The following XIRP2 variants were observed in gnomAD, a reference collection of about 807,000 sequenced individuals.
XIRP2 encodes the protein xin actin-binding repeat-containing protein 2.
Under a neutral mutation model 277.0 loss-of-function variants are expected in XIRP2, and 236 were observed. That is an observed-to-expected ratio of 0.85 (90% CI 0.77 to 0.95). The LOEUF (loss-of-function observed/expected upper bound fraction) is 0.95. Ranked by LOEUF, XIRP2 falls within the 40% of genes least tolerant of loss-of-function variation. The pLI, the probability that XIRP2 is intolerant of heterozygous loss-of-function variation, is 0.00. For synonymous variants in XIRP2, 1,490 were observed against 1,416.5 expected, an observed-to-expected ratio of 1.05 and a Z score of -1.17; for missense variants, 4,640 against 4,157.5, an observed-to-expected ratio of 1.12 and a Z score of -3.19.
At chr2:167,181,263 T>TA (rs1692999208) in intron 3 of XIRP2, among the ~76,000 whole-genome samples, 1 of 152,184 alleles carries the variant, frequency 6.6e-6, no homozygotes, top group Admixed American at 6.5e-5. Flanking sequence ...AAAGCAAACT[T>TA]AGACTGTGGA....
chr2:167,193,648 G>A (rs918953768), intron 3 of XIRP2, among the ~76,000 whole-genome samples: 7 of 152,020 alleles, frequency 4.6e-5, no homozygotes, highest in African/African-American at 1.4e-4. Flanking sequence ...GAGGCTGAGG[G>A]AGGTGAATCA....
At position 167,247,684 on chromosome 2, in the gene XIRP2, TCAGA is replaced by T; in HGVS notation, c.6296_6299del (p.Asp2099GlyfsTer3). Reference sequence around the variant, plus strand: ...TAAGAATAATCTAACAACTAAAGAATCAGACAGGGCAGTGAGAGAGCTGAAGAAG... The same window carrying T: ...TAAGAATAATCTAACAACTAAAGAATCAGGGCAGTGAGAGAGCTGAAGAAG... On this transcript the variant is annotated frameshift_variant, in exon 9 of 11. Transcript: ENST00000409195. LOFTEE classifies it high-confidence loss of function. The T allele has an allele frequency of 6.2e-7, 1 of 1,613,536 alleles. No homozygotes were observed. The highest frequency in any genetic ancestry group is 8.5e-7 in the Non-Finnish European group (1 of 1,179,718).
chr2:167,041,551 A>G (rs1688661005), intron 2 of XIRP2, among the ~76,000 whole-genome samples: 1 of 152,206 alleles, frequency 6.6e-6, no homozygotes, highest in African/African-American at 2.4e-5. Flanking sequence ...ACAGCATAGA[A>G]TAGACCAGGC....
chr2:167,251,494 A>C lies in XIRP2; in HGVS notation c.10102A>C (p.Ser3368Arg), dbSNP rs1574002202. 1 of 1,613,532 alleles carries C rather than the reference A, an allele frequency of 6.2e-7. No homozygotes were observed. Among genetic ancestry groups the C allele is most frequent in the Non-Finnish European group, 8.5e-7 (1 of 1,179,646 alleles). The change falls in exon 9 of 11, where the codon AGT becomes CGT. Residue 3368 changes from serine to arginine, a missense_variant. Coordinates refer to ENST00000409195, the MANE Select transcript of XIRP2 (RefSeq NM_152381.6). ...AACAAACCATAACATACAACAAGAA[A>C]GTCGTACATTTTGTAAGGAGGAATT... The part of the protein sequence containing the change: ...GETNHNIQQE[S>R]RTFCKEEFGL...
intron 2 of XIRP2, among the ~76,000 whole-genome samples, chr2:166,937,857 T>G (rs1479845530): frequency 4.6e-5 from 7 of 152,250 alleles, no homozygotes; most frequent in Non-Finnish European, 8.8e-5. Flanking sequence ...TATCCATTTC[T>G]TCTAGATTTT....
At chr2:166,919,230 A>G (rs1011480783) in intron 2 of XIRP2, among the ~76,000 whole-genome samples, 2 of 152,180 alleles carry the variant, frequency 1.3e-5, no homozygotes, top group African/African-American at 4.8e-5. Flanking sequence ...CTACGTGGAA[A>G]GATATTTCTT....
At chr2:167,239,365 GATGGA>G (rs1357629251) in intron 5 of XIRP2, among the ~76,000 whole-genome samples, 1 of 152,228 alleles carries the variant, frequency 6.6e-6, no homozygotes, top group Non-Finnish European at 1.5e-5. Context: ...TTAAGTTGCA[GATGGA>G]ATTAAGGCTG....
rs370085666 is a variant in XIRP2, at chr2:167,245,162, G to A, written c.3770G>A (p.Gly1257Asp). ...GATAAGATAAAAGAAAGCCAAGAAG[G>A]TGATGAATGTGTTAAGACGGTGACA... Reference protein sequence around the residue: ...PIDKIKESQEGDECVKTVTDI... With the variant: ...PIDKIKESQEDDECVKTVTDI... Residue 1257 changes from glycine (G) to aspartate (D), a missense_variant, in exon 9 of 11, where the codon GGT becomes GAT. Coordinates refer to ENST00000409195, the MANE Select transcript of XIRP2 (RefSeq NM_152381.6). 5.0e-6 allele frequency: 8 copies of A among 1,613,260 alleles called. No homozygotes were observed. Among genetic ancestry groups the A allele is most frequent in the African/African-American group, 4.0e-5 (3 of 74,820 alleles).
intron 2 of XIRP2, among the ~76,000 whole-genome samples, chr2:166,913,953 A>G (rs560744317): frequency 9.2e-5 from 14 of 152,244 alleles, no homozygotes; most frequent in Non-Finnish European, 1.9e-4. Flanking sequence ...GATAGGCAGA[A>G]TAACAAAAGT....
At chr2:167,083,832 G>C (rs945460758) in intron 2 of XIRP2, among the ~76,000 whole-genome samples, 18 of 152,084 alleles carry the variant, frequency 1.2e-4, no homozygotes, top group African/African-American at 4.1e-4. Flanking sequence ...AGCTTAAGGA[G>C]ATTTTGGGCT....
chr2:167,252,067 T>G, intron 9 of XIRP2, 120 bp downstream of exon 9: 1 of 1,423,590 alleles, frequency 7.0e-7, no homozygotes, highest in East Asian at 2.4e-5. Flanking sequence ...AACCTAAAAC[T>G]AACAGCTTCC....
At position 167,247,691 on chromosome 2, in the gene XIRP2, G is replaced by T. The variant is rs569924701; in HGVS notation, c.6299G>T (p.Arg2100Met). 6.2e-7 allele frequency: 1 copy of T among 1,613,626 alleles called. No homozygotes were observed. Among genetic ancestry groups the T allele is most frequent in the Non-Finnish European group, 8.5e-7 (1 of 1,179,726 alleles). The change falls in exon 9 of 11, where the codon AGG (arginine) becomes ATG (methionine). Residue 2100 changes from arginine (R) to methionine (M), a missense_variant. Physicochemically the swap from Arg to Met is moderately conservative, Grantham distance 91. Coordinates refer to ENST00000409195, the MANE Select transcript of XIRP2 (RefSeq NM_152381.6). ...KNNLTTKESD[R>M]AVRELKKDDV... ...AATCTAACAACTAAAGAATCAGACA[G>T]GGCAGTGAGAGAGCTGAAGAAGGAT...
chr2:167,149,605 T>C (rs940243301), intron 3 of XIRP2, among the ~76,000 whole-genome samples: 2 of 152,136 alleles, frequency 1.3e-5, no homozygotes, highest in African/African-American at 4.8e-5. Flanking sequence ...TCTTTCATTA[T>C]ATACACAATT....
At chr2:166,926,409 A>G (rs1161135675) in intron 2 of XIRP2, among the ~76,000 whole-genome samples, 1 of 152,046 alleles carries the variant, frequency 6.6e-6, no homozygotes, top group African/African-American at 2.4e-5. Context: ...GACCATTACA[A>G]TTTCCAGCCG....
chr2:167,181,700 G>T (rs1180471930), intron 3 of XIRP2, among the ~76,000 whole-genome samples: 2 of 151,898 alleles, frequency 1.3e-5, no homozygotes, highest in Admixed American at 6.6e-5. Flanking sequence ...TATTGTAAGG[G>T]ATATGTCTGA....
Position 167,247,073 on chromosome 2 carries a change from A to G in XIRP2, c.5681A>G (p.Asp1894Gly), listed in dbSNP as rs1695294938. 5 of 1,612,302 alleles carry G rather than the reference A, an allele frequency of 3.1e-6. No homozygotes were observed. The highest frequency in any genetic ancestry group is 1.3e-5 in the African/African-American group (1 of 74,690). The change falls in exon 9 of 11, where the codon GAT becomes GGT. Residue 1894 changes from aspartate (D) to glycine (G), a missense_variant. Transcript: ENST00000409195. ...AAACAGCCTGATGCCATCCCTGGTG[A>G]TATTGAAAAAGCTATTGAATGCCTT... ...ESKQPDAIPG[D>G]IEKAIECLEK... is the part of the protein sequence containing the mutation.
chr2:167,180,001 C>T (rs900150566), intron 3 of XIRP2, among the ~76,000 whole-genome samples: 1 of 152,170 alleles, frequency 6.6e-6, no homozygotes, highest in African/African-American at 2.4e-5. Flanking sequence ...ACATAAATAA[C>T]AGAAAGTTGT....
intron 2 of XIRP2, among the ~76,000 whole-genome samples, chr2:166,942,643 A>G (rs1685751494): frequency 6.6e-6 from 1 of 152,230 alleles, no homozygotes. Flanking sequence ...ATATTTCATA[A>G]GTTTGTACTG....
intron 2 of XIRP2, among the ~76,000 whole-genome samples, chr2:167,012,944 G>A (rs1008783976): frequency 6.6e-6 from 1 of 150,838 alleles, no homozygotes; most frequent in Admixed American, 6.6e-5. Flanking sequence ...ATAAAAATTA[G>A]GATGTAGTAG....
Sources: allele counts gnomAD v4.1 joint callset (sites outside exome capture counted in the v4.1 genomes callset), GRCh38; gene constraint gnomAD v4.1.1; transcripts MANE v1.5; gene names NCBI Gene and HGNC (gene_info 2026-07-23, HGNC 2026-07-21).